The following KIAA1328 variants were observed in gnomAD, a reference collection of about 807,000 sequenced individuals.
The protein encoded by KIAA1328 is KIAA1328.
In KIAA1328, 52 loss-of-function variants were observed where a neutral mutation model predicts 68.1. The ratio of observed to expected loss-of-function variants is 0.76; its 90% CI spans 0.61 to 0.96. KIAA1328 has a LOEUF of 0.96. Among genes scored for constraint, KIAA1328 ranks in the 40% least tolerant of loss-of-function variants. The pLI, the probability that KIAA1328 is intolerant of heterozygous loss-of-function variation, is 0.00. For synonymous variants in KIAA1328, 232 were observed against 239.4 expected, an observed-to-expected ratio of 0.97 and a Z score of 0.28; for missense variants, 641 against 677.6, an observed-to-expected ratio of 0.95 and a Z score of 0.60.
intron 4 of KIAA1328, among the ~76,000 whole-genome samples, chr18:36,882,890 G>T (rs1300050744): frequency 6.6e-6 from 1 of 152,032 alleles, no homozygotes; most frequent in African/African-American, 2.4e-5. Context: ...AGCATTGTTT[G>T]TTGAAGAAAA....
At chr18:36,971,966 T>G (rs538273781) in intron 6 of KIAA1328, among the ~76,000 whole-genome samples, 1 of 152,280 alleles carries the variant, frequency 6.6e-6, no homozygotes, top group Admixed American at 6.5e-5. Flanking sequence ...GACACAAGTT[T>G]ACCTATATAA....
intron 5 of KIAA1328, among the ~76,000 whole-genome samples, chr18:36,908,148 A>C (rs1253801936): frequency 6.6e-6 from 1 of 152,130 alleles, no homozygotes. Context: ...AAAAACAGCA[A>C]ATTTCTTTCT....
chr18:37,174,914 G>A (rs1247721280), intron 9 of KIAA1328, among the ~76,000 whole-genome samples: 11 of 152,130 alleles, frequency 7.2e-5, no homozygotes, highest in East Asian at 1.9e-4. Context: ...CTCATGATCC[G>A]CCCGCCTTGG....
At chr18:36,992,480 A>G (rs1385609187) in intron 6 of KIAA1328, among the ~76,000 whole-genome samples, 11 of 114,106 alleles carry the variant, frequency 9.6e-5, no homozygotes, top group Non-Finnish European at 1.7e-4. Flanking sequence ...TTTTTTTGCT[A>G]TATGTGGCCT....
At chr18:36,880,375 T>C (rs1415504551) in intron 4 of KIAA1328, among the ~76,000 whole-genome samples, 1 of 152,190 alleles carries the variant, frequency 6.6e-6, no homozygotes, top group Non-Finnish European at 1.5e-5. Flanking sequence ...CCCAGTGAGA[T>C]GAATCAGGTA....
chr18:37,068,038 C>T (rs535606703), intron 7 of KIAA1328, among the ~76,000 whole-genome samples: 1 of 152,244 alleles, frequency 6.6e-6, no homozygotes, highest in East Asian at 1.9e-4. Context: ...TCAAAGATTA[C>T]CTTGTCTTCC....
intron 8 of KIAA1328, among the ~76,000 whole-genome samples, chr18:37,169,353 TATGG>T: frequency 1.3e-5 from 2 of 151,726 alleles, no homozygotes; most frequent in Non-Finnish European, 2.9e-5. Flanking sequence ...TTTTAGTAGA[TATGG>T]GGTTTCACTA....
At chr18:36,871,973 C>G (rs1229727729) in intron 4 of KIAA1328, among the ~76,000 whole-genome samples, 1 of 152,088 alleles carries the variant, frequency 6.6e-6, no homozygotes, top group Admixed American at 6.6e-5. Context: ...GGTGAGAGCC[C>G]TGATCAAGCA....
intron 6 of KIAA1328, among the ~76,000 whole-genome samples, chr18:37,049,553 A>T (rs1054849088): frequency 2.6e-5 from 4 of 152,140 alleles, no homozygotes; most frequent in Non-Finnish European, 4.4e-5. Context: ...CAATCTTGAG[A>T]CCCCCAAGGA....
chr18:37,101,515 T>C (rs2057616381), intron 7 of KIAA1328, among the ~76,000 whole-genome samples: 2 of 152,148 alleles, frequency 1.3e-5, no homozygotes, highest in Admixed American at 1.3e-4. Flanking sequence ...TATGGGACTA[T>C]GTGAAAAGAC....
chr18:36,940,674 CTTT>C (rs1272164052), intron 5 of KIAA1328, among the ~76,000 whole-genome samples: 4 of 127,686 alleles, frequency 3.1e-5, no homozygotes, highest in Admixed American at 8.0e-5. Context: ...GCTCATTTTA[CTTT>C]TTTTTTTTTT....
At chr18:37,010,658 A>G (rs2053949101) in intron 6 of KIAA1328, among the ~76,000 whole-genome samples, 1 of 152,088 alleles carries the variant, frequency 6.6e-6, no homozygotes, top group Non-Finnish European at 1.5e-5. Context: ...GGAGATAAGC[A>G]TTGTCTGTAC....
At chr18:36,864,437 G>A (rs1000790528) in intron 4 of KIAA1328, among the ~76,000 whole-genome samples, 1 of 151,956 alleles carries the variant, frequency 6.6e-6, no homozygotes, top group Non-Finnish European at 1.5e-5. Context: ...GAGTAGCTGG[G>A]ACTACAGGCG....
intron 5 of KIAA1328, among the ~76,000 whole-genome samples, chr18:36,932,807 T>C (rs2050360242): frequency 6.6e-6 from 1 of 152,260 alleles, no homozygotes; most frequent in South Asian, 2.1e-4. Context: ...GTGGGGTTTC[T>C]ATCACTTCTC....
intron 9 of KIAA1328, among the ~76,000 whole-genome samples, chr18:37,216,151 T>A (rs972427100): frequency 7.2e-5 from 11 of 152,212 alleles, no homozygotes; most frequent in Admixed American, 1.3e-4. Context: ...CTCCTTCAGT[T>A]GTCCTCTGAT....
intron 6 of KIAA1328, among the ~76,000 whole-genome samples, chr18:37,056,770 C>T (rs1266213020): frequency 6.6e-6 from 1 of 152,140 alleles, no homozygotes; most frequent in African/African-American, 2.4e-5. Flanking sequence ...CCTGCTTCAG[C>T]CTTCCAAGTA....
chr18:37,089,097 C>T (rs1042576995), intron 7 of KIAA1328, among the ~76,000 whole-genome samples: 1 of 151,680 alleles, frequency 6.6e-6, no homozygotes, highest in African/African-American at 2.4e-5. Flanking sequence ...GTAATTCTGC[C>T]CCAAAGGTAT....
At chr18:37,070,576 A>ATTT (rs1181652398) in intron 7 of KIAA1328, among the ~76,000 whole-genome samples, 1 of 139,564 alleles carries the variant, frequency 7.2e-6, no homozygotes. Flanking sequence ...GTCCCCAGTA[A>ATTT]TTTTTTTTTT....
intron 5 of KIAA1328, among the ~76,000 whole-genome samples, chr18:36,957,031 T>G (rs1014727831): frequency 6.6e-6 from 1 of 152,196 alleles, no homozygotes; most frequent in African/African-American, 2.4e-5. Context: ...TAACCTGTCC[T>G]TTCCCTGTGA....
Sources: allele counts gnomAD v4.1 joint callset (sites outside exome capture counted in the v4.1 genomes callset), GRCh38; gene constraint gnomAD v4.1.1; transcripts MANE v1.5; gene names NCBI Gene and HGNC (gene_info 2026-07-23, HGNC 2026-07-21).